The following SDK1 variants were observed in gnomAD, a reference collection of about 807,000 sequenced individuals.
SDK1 encodes the protein sidekick cell adhesion molecule 1, also known as protein sidekick-1.
SDK1 carries 157 observed loss-of-function variants against 245.5 expected under a neutral mutation model. The ratio of observed to expected loss-of-function variants is 0.64; its 90% CI spans 0.56 to 0.73. The LOEUF (loss-of-function observed/expected upper bound fraction) is 0.73, where lower values mean the gene tolerates loss of function less well. Ranked by LOEUF, SDK1 falls within the 30% of genes least tolerant of loss-of-function variation. The probability of loss-of-function intolerance (pLI) is 0.00; values close to 1 mark genes in which losing one functional copy is unlikely to be tolerated. For missense variants in SDK1, 3,583 were observed against 3,002.3 expected (o/e 1.19, Z -4.52); for synonymous variants, 1,647 against 1,278.5 (o/e 1.29, Z -6.15).
rs928958952 is a variant in SDK1, at chr7:3,512,794, G to A, written c.299-106286G>A. Among the ~76,000 whole-genome samples the A allele has an allele frequency of 4.6e-5, 7 of 151,956 alleles. 1 individual carries two copies. Among genetic ancestry groups the A allele is most frequent in the African/African-American group, 7.3e-5 (3 of 41,350 alleles). ...TTTATGTGAGTGGTTGAGATTTGGG[G>A]TAAATATTCCATCTGTTTTTTTTCC... On this transcript the variant is annotated intron_variant, in intron 1 of 44. Coordinates refer to ENST00000404826, the MANE Select transcript of SDK1 (RefSeq NM_152744.4).
chr7:4,066,662 T>C (rs1396209405), intron 19 of SDK1, among the ~76,000 whole-genome samples: 1 of 152,202 alleles, frequency 6.6e-6, no homozygotes, highest in Non-Finnish European at 1.5e-5. Context: ...CAGTGTGGGC[T>C]GGCCCTGATG....
intron 35 of SDK1, among the ~76,000 whole-genome samples, chr7:4,201,300 A>T (rs912882186): frequency 6.6e-6 from 1 of 152,226 alleles, no homozygotes; most frequent in African/African-American, 2.4e-5. Flanking sequence ...GCCTGTCTCC[A>T]GGTCCCCCTG....
At chr7:3,752,488 G>A (rs966487822) in intron 4 of SDK1, among the ~76,000 whole-genome samples, 4 of 152,304 alleles carry the variant, frequency 2.6e-5, no homozygotes, top group South Asian at 2.1e-4. Flanking sequence ...TTGTTACTGA[G>A]CTTTGGGAAA....
intron 4 of SDK1, among the ~76,000 whole-genome samples, chr7:3,772,110 C>G (rs1780421721): frequency 6.6e-6 from 1 of 152,140 alleles, no homozygotes. Context: ...TTATGGCTGA[C>G]TGATAAAGAG....
At chr7:3,741,586 T>C (rs1277540763) in intron 4 of SDK1, among the ~76,000 whole-genome samples, 5 of 152,220 alleles carry the variant, frequency 3.3e-5, no homozygotes, top group Admixed American at 1.3e-4. Flanking sequence ...ATACTACAGA[T>C]TTGTGCTTTT....
At chr7:3,773,127 C>T (rs180736068) in intron 4 of SDK1, among the ~76,000 whole-genome samples, 2 of 152,248 alleles carry the variant, frequency 1.3e-5, no homozygotes, top group East Asian at 1.9e-4. Flanking sequence ...TTCAAGTATA[C>T]TTTCTGTTCT....
At chr7:4,234,761 A>G (rs1233143385) in intron 41 of SDK1, among the ~76,000 whole-genome samples, 1 of 152,198 alleles carries the variant, frequency 6.6e-6, no homozygotes, top group Non-Finnish European at 1.5e-5. Context: ...CGATGATTCT[A>G]TCGTGCAGAC....
intron 1 of SDK1, among the ~76,000 whole-genome samples, chr7:3,542,433 G>A (rs2128620834): frequency 6.6e-6 from 1 of 152,252 alleles, no homozygotes; most frequent in African/African-American, 2.4e-5. Flanking sequence ...TTTTCTCCCA[G>A]GCTCCTGGGC....
chr7:3,900,369 T>C (rs1781745531), intron 5 of SDK1, among the ~76,000 whole-genome samples: 1 of 152,252 alleles, frequency 6.6e-6, no homozygotes, highest in Non-Finnish European at 1.5e-5. Flanking sequence ...TCATGTTTTG[T>C]GGTCCGCTGT....
intron 1 of SDK1, among the ~76,000 whole-genome samples, chr7:3,592,908 A>G (rs1014463050): frequency 2.0e-5 from 3 of 152,222 alleles, no homozygotes; most frequent in Non-Finnish European, 4.4e-5. Flanking sequence ...CCAGTGAATA[A>G]CCTGGAGTCC....
At chr7:3,437,139 A>G (rs1780052333) in intron 1 of SDK1, among the ~76,000 whole-genome samples, 1 of 152,206 alleles carries the variant, frequency 6.6e-6, no homozygotes, top group South Asian at 2.1e-4. Context: ...GGGACATTTT[A>G]CTGTAGTCCT....
intron 1 of SDK1, among the ~76,000 whole-genome samples, chr7:3,563,349 A>G (rs541850352): frequency 6.6e-6 from 1 of 152,236 alleles, no homozygotes; most frequent in Non-Finnish European, 1.5e-5. Flanking sequence ...AAAACAAGAT[A>G]CAAAAAATAG....
intron 30 of SDK1, 46 bp from the exon 31 acceptor site, chr7:4,158,402 A>T: frequency 6.7e-7 from 1 of 1,483,788 alleles, no homozygotes; most frequent in East Asian, 2.3e-5. Context: ...TGAGGGCAGG[A>T]CAGGGTGGCA....
chr7:3,478,187 C>G (rs889259341), intron 1 of SDK1, among the ~76,000 whole-genome samples: 3 of 152,084 alleles, frequency 2.0e-5, no homozygotes, highest in Non-Finnish European at 4.4e-5. Context: ...CCTGAAGTTT[C>G]ATGGCCATTA....
chr7:3,351,955 G>T (rs915515710), intron 1 of SDK1, among the ~76,000 whole-genome samples: 6 of 151,900 alleles, frequency 3.9e-5, no homozygotes, highest in Non-Finnish European at 8.8e-5. Flanking sequence ...TGGAGCATCT[G>T]ACATTGATTA....
chr7:3,751,795 A>G (rs1779780507), intron 4 of SDK1, among the ~76,000 whole-genome samples: 1 of 152,142 alleles, frequency 6.6e-6, no homozygotes, highest in African/African-American at 2.4e-5. Context: ...TGGGCTCCAG[A>G]TAGCCCTCCC....
chr7:3,698,169 C>T (rs891511505), intron 4 of SDK1, among the ~76,000 whole-genome samples: 9 of 152,274 alleles, frequency 5.9e-5, no homozygotes, highest in Admixed American at 4.6e-4. Flanking sequence ...AACTTTTGGA[C>T]AATAACCACT....
At chr7:4,074,886 G>A (rs55693306) in intron 20 of SDK1, among the ~76,000 whole-genome samples, 38 of 48,096 alleles carry the variant, frequency 7.9e-4, no homozygotes, top group African/African-American at 4.4e-3. Context: ...CTCTCTCTCT[G>A]TATATATATA....
At position 3,967,401 on chromosome 7, in the gene SDK1, G is replaced by A. The variant is rs568485693; in HGVS notation, c.1513G>A (p.Gly505Arg). The change falls in exon 10 of 45, where the codon GGG (glycine) becomes AGG (arginine). Residue 505 changes from glycine to arginine, a missense_variant. Physicochemically the swap from Gly to Arg is moderately radical, Grantham distance 125. Transcript: ENST00000404826. ...MTAILRCEVS[G>R]APKPAITWKR... ...AGCCATTCTAAGGTGTGAGGTGTCCGGGGCTCCCAAACCCGCCATCACCTG... is the reference window on the plus strand; with the variant it reads ...AGCCATTCTAAGGTGTGAGGTGTCCAGGGCTCCCAAACCCGCCATCACCTG... 5 of 1,613,988 alleles carry A rather than the reference G, an allele frequency of 3.1e-6. No homozygotes were observed. Among genetic ancestry groups the A allele is most frequent in the South Asian group, 2.2e-5 (2 of 91,078 alleles).
Sources: allele counts gnomAD v4.1 joint callset (sites outside exome capture counted in the v4.1 genomes callset), GRCh38; gene constraint gnomAD v4.1.1; transcripts MANE v1.5; gene names NCBI Gene and HGNC (gene_info 2026-07-23, HGNC 2026-07-21).